CMKLR1: variants seen among roughly 807,000 people sequenced by gnomAD.
CMKLR1 encodes chemerin-like receptor 1.
In CMKLR1, 6 loss-of-function variants were observed where a neutral mutation model predicts 8.2. The observed-to-expected ratio is 0.73, with a 90% CI of 0.40 to 1.44. CMKLR1 has a LOEUF of 1.44. Ranked by LOEUF, CMKLR1 falls within the 40% of genes most tolerant of loss-of-function variation. The probability of loss-of-function intolerance (pLI) is 0.02; values close to 1 mark genes in which losing one functional copy is unlikely to be tolerated. For synonymous variants in CMKLR1, 178 were observed against 181.2 expected (o/e 0.98, Z 0.14); for missense variants, 429 against 478.0 (o/e 0.90, Z 0.96).
chr12:108,297,339 TA>T (rs1052894245), intron 2 of CMKLR1, among the ~76,000 whole-genome samples: 24 of 152,280 alleles, frequency 1.6e-4, no homozygotes, highest in African/African-American at 5.5e-4. Context: ...ACATATAACA[TA>T]AAAAAATACG....
At chr12:108,298,092 A>G (rs1169207234) in intron 2 of CMKLR1, among the ~76,000 whole-genome samples, 3 of 152,208 alleles carry the variant, frequency 2.0e-5, no homozygotes, top group Non-Finnish European at 4.4e-5. Flanking sequence ...CATGTTCTAC[A>G]ACTGATCACA....
chr12:108,294,179 G>A (rs1891066259), intron 2 of CMKLR1, among the ~76,000 whole-genome samples: 1 of 152,182 alleles, frequency 6.6e-6, no homozygotes, highest in Non-Finnish European at 1.5e-5. Flanking sequence ...TATTCCTTTT[G>A]TGTTAAGAAA....
At chr12:108,313,008 C>T (rs1365691997) in intron 2 of CMKLR1, among the ~76,000 whole-genome samples, 2 of 152,110 alleles carry the variant, frequency 1.3e-5, no homozygotes, top group Non-Finnish European at 2.9e-5. Flanking sequence ...CAGCCACGAG[C>T]ACAGAGGCCT....
At chr12:108,328,218 G>A (rs934290168) in intron 2 of CMKLR1, among the ~76,000 whole-genome samples, 2 of 152,176 alleles carry the variant, frequency 1.3e-5, no homozygotes, top group African/African-American at 4.8e-5. Context: ...TTTTGGCCAA[G>A]GCAGGAAGTC....
intron 2 of CMKLR1, among the ~76,000 whole-genome samples, chr12:108,328,758 G>A (rs539514218): frequency 5.3e-5 from 8 of 152,300 alleles, no homozygotes; most frequent in Admixed American, 1.3e-4. Context: ...CTAGGAGGCC[G>A]GGGGGCCCTT....
At chr12:108,326,203 ATTGAC>A (rs1891979075) in intron 2 of CMKLR1, among the ~76,000 whole-genome samples, 1 of 152,164 alleles carries the variant, frequency 6.6e-6, no homozygotes, top group East Asian at 1.9e-4. Flanking sequence ...CTCCTATGAA[ATTGAC>A]TCAGTAGTTT....
chr12:108,315,837 A>T (rs1043330224), intron 2 of CMKLR1, among the ~76,000 whole-genome samples: 6 of 152,198 alleles, frequency 3.9e-5, no homozygotes, highest in African/African-American at 1.4e-4. Context: ...CAAATTTCAG[A>T]GTCAGCTTCC....
rs1892294414 is a variant in CMKLR1 at position 108,339,076 on chromosome 12, T to C, written c.-336A>G. The C allele has an allele frequency of 6.6e-6, 1 of 152,270 alleles. No individual in the cohort carries two copies. The highest frequency in any genetic ancestry group is 6.5e-5 in the Admixed American group (1 of 15,290). The allele number at this position is 152,270 out of a possible 1,614,324, so 9.4% of individuals were successfully genotyped here. A position where few individuals can be genotyped will look rare whatever the true frequency, so the allele number is the denominator to read the frequency against. On this transcript the variant is annotated 5_prime_UTR_variant, in exon 1 of 4. Transcript: ENST00000550402. ...GGTCTTCCTGAGGGTTCCCTGTGAC[T>C]GCAGGCCACTCGAGGCTGTTGGGGA...
intron 2 of CMKLR1, among the ~76,000 whole-genome samples, chr12:108,326,161 C>T (rs1257495912): frequency 1.3e-5 from 2 of 152,194 alleles, no homozygotes; most frequent in East Asian, 3.8e-4. Flanking sequence ...GAGGCCCCAA[C>T]GGAGGTGCAA....
At chr12:108,310,863 G>A (rs995024894) in intron 2 of CMKLR1, among the ~76,000 whole-genome samples, 5 of 152,174 alleles carry the variant, frequency 3.3e-5, no homozygotes, top group Non-Finnish European at 4.4e-5. Context: ...CAGGAGGGAG[G>A]CAGTGCTGAG....
chr12:108,299,984 T>C (rs1269338686), intron 2 of CMKLR1, among the ~76,000 whole-genome samples: 1 of 152,218 alleles, frequency 6.6e-6, no homozygotes, highest in Non-Finnish European at 1.5e-5. Flanking sequence ...GGCATTTATG[T>C]GATTATTGCT....
intron 2 of CMKLR1, among the ~76,000 whole-genome samples, chr12:108,310,710 C>T (rs946207981): frequency 2.6e-5 from 4 of 152,182 alleles, no homozygotes; most frequent in Admixed American, 6.5e-5. Context: ...AGGGCCCATA[C>T]TGTCCAGTCC....
intron 1 of CMKLR1, among the ~76,000 whole-genome samples, chr12:108,332,766 A>AC (rs1374835546): frequency 5.3e-5 from 8 of 152,132 alleles, no homozygotes; most frequent in Non-Finnish European, 7.4e-5. Flanking sequence ...TAGAGAGTGA[A>AC]CCGTAAGAGA....
At chr12:108,326,525 G>T (rs1272368078) in intron 2 of CMKLR1, among the ~76,000 whole-genome samples, 1 of 152,202 alleles carries the variant, frequency 6.6e-6, no homozygotes, top group Non-Finnish European at 1.5e-5. Context: ...AAGATGAAGA[G>T]ACAGTCCCAT....
intron 2 of CMKLR1, among the ~76,000 whole-genome samples, chr12:108,295,976 C>A (rs1457001092): frequency 6.6e-6 from 1 of 152,214 alleles, no homozygotes; most frequent in Non-Finnish European, 1.5e-5. Context: ...CCACCCCTAA[C>A]TCCTCATCCT....
intron 2 of CMKLR1, among the ~76,000 whole-genome samples, chr12:108,300,967 A>G (rs978630007): frequency 6.6e-6 from 1 of 152,096 alleles, no homozygotes; most frequent in Non-Finnish European, 1.5e-5. Context: ...TCAGGGGGTG[A>G]AAAAAGCCCT....
Position 108,304,737 on chromosome 12 carries a change from C to G in CMKLR1, c.-73-11073G>C, listed in dbSNP as rs116184920. 4.0e-3 allele frequency among the ~76,000 whole-genome samples: 605 copies of G among 152,352 alleles called. 3 individuals carry two copies. The highest frequency in any genetic ancestry group is 0.013 in the African/African-American group (558 of 41,576). On this transcript the variant is annotated intron_variant, in intron 2 of 3. Transcript: ENST00000550402. ...ACACCGGTCACGGGTCAGCCCTCCC[C>G]CTCTGACAGGCTCGGCTGCCCCTCA...
intron 2 of CMKLR1, among the ~76,000 whole-genome samples, chr12:108,296,731 C>T (rs1891147467): frequency 6.6e-6 from 1 of 151,974 alleles, no homozygotes; most frequent in Admixed American, 6.5e-5. Flanking sequence ...GAGGCTGAGG[C>T]AGGGGAATTG....
chr12:108,315,011 C>T (rs1891685582), intron 2 of CMKLR1, among the ~76,000 whole-genome samples: 1 of 148,624 alleles, frequency 6.7e-6, no homozygotes, highest in African/African-American at 2.5e-5. Flanking sequence ...AATCTCAGCT[C>T]ACCGCAATAT....
Sources: allele counts gnomAD v4.1 joint callset (sites outside exome capture counted in the v4.1 genomes callset), GRCh38; gene constraint gnomAD v4.1.1; transcripts MANE v1.5; gene names NCBI Gene and HGNC (gene_info 2026-07-23, HGNC 2026-07-21).